The following SEC63 variants were observed in gnomAD, a reference collection of about 807,000 sequenced individuals.
SEC63 encodes the protein SEC63 protein translocation regulator, also known as translocation protein SEC63 homolog.
In SEC63, 56 loss-of-function variants were observed where a neutral mutation model predicts 116.2. The observed-to-expected ratio is 0.48, with a 90% CI of 0.39 to 0.60. The LOEUF is 0.60. SEC63 is among the 20% of genes least tolerant of loss of function. The pLI is 0.00. For missense variants in SEC63, 668 were observed against 900.0 expected, an observed-to-expected ratio of 0.74 and a Z score of 3.30; for synonymous variants, 273 against 294.6, an observed-to-expected ratio of 0.93 and a Z score of 0.75.
At chr6:107,912,830 T>C (rs952856495) in intron 5 of SEC63, 56 bp from the exon 6 acceptor site, 1 of 1,210,512 alleles carries the variant, frequency 8.3e-7, no homozygotes, top group Non-Finnish European at 1.2e-6. Context: ...TTTTAATAAA[T>C]ACATTAAATA....
At chr6:107,933,784 T>G (rs1351718178) in intron 1 of SEC63, among the ~76,000 whole-genome samples, 2 of 151,048 alleles carry the variant, frequency 1.3e-5, no homozygotes, top group African/African-American at 4.9e-5. Flanking sequence ...GAAGCTGGAC[T>G]GTACTGCTGC....
At chr6:107,909,291 T>C (rs1197442929) in intron 7 of SEC63, 21 of 399,512 alleles carry the variant, frequency 5.3e-5, no homozygotes, top group Non-Finnish European at 8.0e-5. Context: ...GGTGGGAAGA[T>C]TGCTAGAGTC....
At chr6:107,912,103 CTA>C (rs1339559638) in intron 6 of SEC63, among the ~76,000 whole-genome samples, 1 of 152,116 alleles carries the variant, frequency 6.6e-6, no homozygotes, top group African/African-American at 2.4e-5. Context: ...AAATTACAGA[CTA>C]TGTGGATTTT....
At position 107,893,734 on chromosome 6, in the gene SEC63, T is replaced by C. The variant is rs1184077504; in HGVS notation, c.1501-79A>G. 8 of 1,589,682 alleles carry C rather than the reference T, an allele frequency of 5.0e-6. No homozygotes were observed. In the African/African-American group the frequency reaches 8.1e-5, roughly 16 times the overall value. On this transcript the variant is annotated intron_variant, in intron 15 of 20. Transcript: ENST00000369002. The stretch of plus-strand genomic sequence containing the variant: ...GGTTGTAGTAATTTTTAGGTGGAAA[T>C]AGCTAAACTGAATTACTCTCCCAGA...
At chr6:107,917,592 C>A (rs1787438345) in intron 4 of SEC63, among the ~76,000 whole-genome samples, 1 of 152,218 alleles carries the variant, frequency 6.6e-6, no homozygotes, top group Admixed American at 6.5e-5. Context: ...GTTGTGAATT[C>A]AGAGCAACAG....
At chr6:107,875,618 A>G (rs1388413702) in intron 19 of SEC63, among the ~76,000 whole-genome samples, 1 of 152,088 alleles carries the variant, frequency 6.6e-6, no homozygotes, top group Non-Finnish European at 1.5e-5. Flanking sequence ...CTGAGGTGGG[A>G]GAGCCCGGGA....
intron 1 of SEC63, among the ~76,000 whole-genome samples, chr6:107,948,321 C>A (rs1444630133): frequency 1.3e-5 from 2 of 152,220 alleles, no homozygotes; most frequent in Non-Finnish European, 2.9e-5. Flanking sequence ...AACAAACAGT[C>A]TTCCACCTGG....
At chr6:107,899,701 A>G (rs1786953082) in intron 13 of SEC63, among the ~76,000 whole-genome samples, 1 of 144,258 alleles carries the variant, frequency 6.9e-6, no homozygotes, top group African/African-American at 2.6e-5. Flanking sequence ...CCTGGGCAAC[A>G]GAGCAAGACT....
intron 7 of SEC63, among the ~76,000 whole-genome samples, chr6:107,910,717 A>C (rs1195571327): frequency 1.3e-5 from 2 of 152,048 alleles, no homozygotes; most frequent in African/African-American, 4.8e-5. Flanking sequence ...ATACACACAT[A>C]TGTATACATA....
chr6:107,952,309 G>A (rs938326481), intron 1 of SEC63, among the ~76,000 whole-genome samples: 1 of 152,056 alleles, frequency 6.6e-6, no homozygotes, highest in Admixed American at 6.6e-5. Flanking sequence ...TTTTCAAACC[G>A]CAGACTTTAC....
rs760867451 is a variant in SEC63 at position 107,929,388 on chromosome 6, GT to G, written c.224+26del. 12 of 1,222,282 alleles carry G rather than the reference GT, an allele frequency of 9.8e-6. No individual in the cohort carries two copies. The East Asian group carries it at 1.2e-4, about 12-fold the overall frequency. The allele number at this position is 1,222,282 out of a possible 1,614,324, so 75.7% of individuals were successfully genotyped here. ...CTAGCAAAGAGTAAGCATTAAGTAGGTTTTTTTCTTGAAATCCATTACTTAC... is the reference window on the plus strand; with the variant it reads ...CTAGCAAAGAGTAAGCATTAAGTAGGTTTTTTCTTGAAATCCATTACTTAC... On this transcript the variant is annotated intron_variant, in intron 2 of 20. Transcript: ENST00000369002.
At chr6:107,915,382 G>C (rs187552787) in intron 4 of SEC63, among the ~76,000 whole-genome samples, 4 of 152,082 alleles carry the variant, frequency 2.6e-5, no homozygotes, top group African/African-American at 9.7e-5. Flanking sequence ...TCTAGAGAAT[G>C]CTTTCACTAA....
chr6:107,884,069 G>A (rs1341512063), intron 16 of SEC63, among the ~76,000 whole-genome samples: 1 of 149,942 alleles, frequency 6.7e-6, no homozygotes, highest in Non-Finnish European at 1.5e-5. Context: ...GACCAACATG[G>A]TGAAACCCCG....
chr6:107,923,823 A>G (rs921884510), intron 3 of SEC63, among the ~76,000 whole-genome samples: 1 of 151,762 alleles, frequency 6.6e-6, no homozygotes, highest in African/African-American at 2.4e-5. Context: ...CCTGGCTGAT[A>G]TTAGTTCTTT....
At chr6:107,950,539 G>T (rs1770560350) in intron 1 of SEC63, among the ~76,000 whole-genome samples, 1 of 152,144 alleles carries the variant, frequency 6.6e-6, no homozygotes, top group Non-Finnish European at 1.5e-5. Context: ...ATTTTATTTT[G>T]AAAGACAGAT....
At chr6:107,910,704 T>C (rs184301442) in intron 7 of SEC63, among the ~76,000 whole-genome samples, 7 of 152,268 alleles carry the variant, frequency 4.6e-5, no homozygotes, top group Admixed American at 2.6e-4. Flanking sequence ...CATACATATA[T>C]ACATACACAC....
chr6:107,916,225 C>G (rs1583753308), intron 4 of SEC63, among the ~76,000 whole-genome samples: 1 of 152,300 alleles, frequency 6.6e-6, no homozygotes, highest in East Asian at 1.9e-4. Flanking sequence ...CTGAAGACAG[C>G]AATCAAGGCA....
chr6:107,945,438 C>G, intron 1 of SEC63, among the ~76,000 whole-genome samples: 1 of 151,762 alleles, frequency 6.6e-6, no homozygotes, highest in Middle Eastern at 3.2e-3. Context: ...TCCCGAGCAG[C>G]TGGGACTAAA....
intron 1 of SEC63, among the ~76,000 whole-genome samples, chr6:107,946,928 C>T (rs1022281962): frequency 3.3e-5 from 5 of 152,138 alleles, no homozygotes; most frequent in Non-Finnish European, 5.9e-5. Flanking sequence ...CACTTGAACC[C>T]AGGAGGCAGA....
Sources: allele counts gnomAD v4.1 joint callset (sites outside exome capture counted in the v4.1 genomes callset), GRCh38; gene constraint gnomAD v4.1.1; transcripts MANE v1.5; gene names NCBI Gene and HGNC (gene_info 2026-07-23, HGNC 2026-07-21).